Variants in ARPC3 observed in about 807,000 individuals in gnomAD.
The protein encoded by ARPC3 is actin related protein 2/3 complex subunit 3.
Under a neutral mutation model 27.6 loss-of-function variants are expected in ARPC3, and 12 were observed. That is an observed-to-expected ratio of 0.43 (90% CI 0.28 to 0.70). The LOEUF is 0.70. ARPC3 is among the 30% of genes least tolerant of loss of function. The pLI is 0.17. For missense variants in ARPC3, 153 were observed against 207.7 expected, an observed-to-expected ratio of 0.74 and a Z score of 1.62; for synonymous variants, 53 against 67.2, an observed-to-expected ratio of 0.79 and a Z score of 1.03.
At chr12:110,444,701 G>A (rs2062454996) in intron 2 of ARPC3, among the ~76,000 whole-genome samples, 1 of 152,166 alleles carries the variant, frequency 6.6e-6, no homozygotes, top group African/African-American at 2.4e-5. Flanking sequence ...AGTTTACTGA[G>A]CTTTCAAATG....
intron 2 of ARPC3, chr12:110,445,016 G>A (rs908406166): frequency 1.8e-5 from 4 of 226,224 alleles, no homozygotes; most frequent in African/African-American, 9.3e-5. Context: ...GTACACTTCA[G>A]ATTTAAGATT....
Position 110,436,545 on chromosome 12 carries a change from A to G in ARPC3, c.379+12T>C. 6.2e-7 allele frequency: 1 copy of G among 1,613,900 alleles called. No homozygotes were observed. Among genetic ancestry groups the G allele is most frequent in the Non-Finnish European group, 8.5e-7 (1 of 1,179,964 alleles). On this transcript the variant is annotated intron_variant, in intron 5 of 6. Coordinates refer to ENST00000228825, the MANE Select transcript of ARPC3 (RefSeq NM_001278556.2). ...CTTGTGTCACAGAGTGAGGATAGAG[A>G]CCTGTTCTTACCATCTTCCTGTTTG...
At chr12:110,448,913 T>C (rs2062482161) in intron 1 of ARPC3, among the ~76,000 whole-genome samples, 1 of 151,472 alleles carries the variant, frequency 6.6e-6, no homozygotes, top group Non-Finnish European at 1.5e-5. Flanking sequence ...GTAGCTGGGA[T>C]TACAGGCACG....
At chr12:110,447,201 T>C (rs2062469299) in intron 1 of ARPC3, among the ~76,000 whole-genome samples, 1 of 152,220 alleles carries the variant, frequency 6.6e-6, no homozygotes, top group Non-Finnish European at 1.5e-5. Context: ...GTTTCCAAAT[T>C]TGTAAAATGA....
At position 110,450,276 on chromosome 12, in the gene ARPC3, G is replaced by T; in HGVS notation, c.-16C>A. 6.2e-7 allele frequency: 1 copy of T among 1,614,036 alleles called. No homozygotes were observed. Among genetic ancestry groups the T allele is most frequent in the Non-Finnish European group, 8.5e-7 (1 of 1,179,960 alleles). ...TCACCGGCATCTTGGCGGCGCCCGG[G>T]TTTCAACCCAGAGGAGCAGGATCCA... is the stretch of plus-strand genomic sequence containing the variant. On this transcript the variant is annotated 5_prime_UTR_variant, in exon 1 of 7. Transcript: ENST00000228825.
At chr12:110,435,387 T>C (rs1592949384) in intron 6 of ARPC3, among the ~76,000 whole-genome samples, 170 bp from the exon 7 acceptor site, 1 of 151,128 alleles carries the variant, frequency 6.6e-6, no homozygotes, top group African/African-American at 2.4e-5. Context: ...TGGAGTGCAG[T>C]GGTGTGATCT....
In ARPC3 at chr12:110,436,675, G is replaced by T. The variant is rs11553918; in HGVS notation, c.261C>A (p.Ser87=). The T allele has an allele frequency of 5.3e-6, 8 of 1,506,962 alleles. No homozygotes were observed. Among genetic ancestry groups the T allele is most frequent in the Admixed American group, 1.8e-5 (1 of 54,552 alleles). The allele number at this position is 1,506,962 out of a possible 1,614,324, so 93.3% of individuals were successfully genotyped here. ...ECLKKLQKCN[S]KSQGEKEMYT... Reference sequence around the variant, plus strand: ...ACATTTCTTTCTCACCTTGGCTTTTGGAATTGCACTGGAAAAAAAAATATA... The same window carrying T: ...ACATTTCTTTCTCACCTTGGCTTTTTGAATTGCACTGGAAAAAAAAATATA... Residue 87 remains serine (S), a synonymous_variant, in exon 5 of 7, where the codon TCC becomes TCA. Transcript: ENST00000228825.
At chr12:110,435,616 C>T (rs1198373602) in intron 6 of ARPC3, among the ~76,000 whole-genome samples, 1 of 152,050 alleles carries the variant, frequency 6.6e-6, no homozygotes, top group Non-Finnish European at 1.5e-5. Flanking sequence ...AGGCGTGAGC[C>T]ACCGCGCCTG....
Position 110,436,647 on chromosome 12 carries a change from T to A in ARPC3, c.289A>T (p.Thr97Ser). ...SKSQGEKEMYTLGITNFPIPG... is the reference protein window; with the variant it reads ...SKSQGEKEMYSLGITNFPIPG... ...ATGGGAAAATTAGTGATTCCCAGCG[T>A]ATACATTTCTTTCTCACCTTGGCTT... is the stretch of plus-strand genomic sequence containing the variant. The change falls in exon 5 of 7, where the codon ACG becomes TCG. Residue 97 changes from threonine (T) to serine (S), a missense_variant. Coordinates refer to ENST00000228825, the MANE Select transcript of ARPC3 (RefSeq NM_001278556.2). 6 of 1,609,868 alleles carry A rather than the reference T, an allele frequency of 3.7e-6. No homozygotes were observed. Among genetic ancestry groups the A allele is most frequent in the Non-Finnish European group, 5.1e-6 (6 of 1,178,624 alleles).
At chr12:110,443,747 T>C (rs1164139703) in intron 2 of ARPC3, among the ~76,000 whole-genome samples, 2 of 152,212 alleles carry the variant, frequency 1.3e-5, no homozygotes, top group African/African-American at 4.8e-5. Flanking sequence ...TCTGTTTTCT[T>C]ATCTGTGAAA....
intron 1 of ARPC3, among the ~76,000 whole-genome samples, chr12:110,448,449 G>A (rs2062477824): frequency 1.3e-5 from 2 of 152,046 alleles, no homozygotes; most frequent in South Asian, 4.1e-4. Flanking sequence ...GGGTGAGGCA[G>A]GAGGACTGCT....
At position 110,436,614 on chromosome 12, in the gene ARPC3, C is replaced by G. The variant is rs1030822124; in HGVS notation, c.322G>C (p.Glu108Gln). 1 of 1,613,210 alleles carries G rather than the reference C, an allele frequency of 6.2e-7. No homozygotes were observed. Among genetic ancestry groups the G allele is most frequent in the Non-Finnish European group, 8.5e-7 (1 of 1,179,688 alleles). ...ATTGCGTTAAGTGGAAAACCAGGCT[C>G]TCCAGGAATGGGAAAATTAGTGATT... ...LGITNFPIPG[E>Q]PGFPLNAIYA... The change falls in exon 5 of 7, where the codon GAG becomes CAG. Residue 108 changes from glutamate (E) to glutamine (Q), a missense_variant. Physicochemically the swap from Glu to Gln is conservative, Grantham distance 29. Transcript: ENST00000228825.
intron 3 of ARPC3, among the ~76,000 whole-genome samples, chr12:110,438,317 AG>A (rs2062416786): frequency 6.7e-6 from 1 of 149,008 alleles, no homozygotes; most frequent in African/African-American, 2.5e-5. Flanking sequence ...AAAAAAAAAA[AG>A]GCCGGGTGCG....
chr12:110,441,163 G>A (rs1469767296), intron 2 of ARPC3, among the ~76,000 whole-genome samples: 4 of 141,474 alleles, frequency 2.8e-5, no homozygotes, highest in Non-Finnish European at 4.6e-5. Flanking sequence ...TTTTTGAGAC[G>A]GAGTCTTGCT....
intron 2 of ARPC3, among the ~76,000 whole-genome samples, chr12:110,441,931 C>T (rs1031327749): frequency 1.3e-5 from 2 of 151,108 alleles, no homozygotes; most frequent in African/African-American, 4.9e-5. Context: ...ATTCGGGAGG[C>T]TAAGGCAGGA....
intron 2 of ARPC3, chr12:110,445,170 T>C (rs2135503862): frequency 5.2e-6 from 2 of 384,748 alleles, no homozygotes; most frequent in East Asian, 1.1e-4. Flanking sequence ...GTAACAGCAT[T>C]AGATTTGTTT....
chr12:110,447,823 A>C (rs554972341), intron 1 of ARPC3, among the ~76,000 whole-genome samples: 2 of 147,562 alleles, frequency 1.4e-5, no homozygotes, highest in Non-Finnish European at 3.0e-5. Flanking sequence ...AACAAACAAA[A>C]CCCAACAGAG....
At position 110,434,864 on chromosome 12, in the gene ARPC3, G is replaced by C; in HGVS notation, c.*291C>G. 1.8e-6 allele frequency: 1 copy of C among 570,704 alleles called. No individual in the cohort carries two copies. The highest frequency in any genetic ancestry group is 3.2e-6 in the Non-Finnish European group (1 of 311,484). 35.4% of individuals were successfully genotyped at this position (570,704 alleles called of 1,614,324 possible). On this transcript the variant is annotated 3_prime_UTR_variant, in exon 7 of 7. Coordinates refer to ENST00000228825, the MANE Select transcript of ARPC3 (RefSeq NM_001278556.2). ...AATTTTATCTCAAAACAAATTGTAA[G>C]TGAATGTCAAAGACTGGCAATAAAG...
intron 5 of ARPC3, 51 bp from the exon 6 acceptor site, chr12:110,436,255 G>A (rs368946645): frequency 7.0e-7 from 1 of 1,430,786 alleles, no homozygotes; most frequent in East Asian, 2.3e-5. Flanking sequence ...CATCCCAAAT[G>A]TACTGGTTGC....
Sources: gnomAD v4.1 joint callset for allele counts (sites outside exome capture counted in the v4.1 genomes callset) on GRCh38, gnomAD v4.1.1 for gene constraint, MANE v1.5 for transcripts, NCBI Gene and HGNC (gene_info 2026-07-23, HGNC 2026-07-21) for gene names.